Variants in COP1 observed in about 807,000 individuals in gnomAD.
COP1 encodes COP1 E3 ubiquitin ligase, also known as E3 ubiquitin-protein ligase COP1.
Under a neutral mutation model 101.3 loss-of-function variants are expected in COP1, and 24 were observed. The observed-to-expected ratio is 0.24, with a 90% CI of 0.17 to 0.33. The LOEUF (loss-of-function observed/expected upper bound fraction) is 0.33. Ranked by LOEUF, COP1 falls within the 10% of genes least tolerant of loss-of-function variation. The pLI is 1.00. For synonymous variants in COP1, 347 were observed against 341.9 expected (o/e 1.01, Z -0.17); for missense variants, 663 against 906.2 (o/e 0.73, Z 3.45).
chr1:176,038,271 C>A (rs942258920), intron 14 of COP1, among the ~76,000 whole-genome samples: 6 of 152,110 alleles, frequency 3.9e-5, no homozygotes, highest in African/African-American at 1.2e-4. Context: ...GAGAGATAAA[C>A]CATGTTCATG....
chr1:176,131,216 T>G (rs1024202875), intron 8 of COP1, among the ~76,000 whole-genome samples: 1 of 151,834 alleles, frequency 6.6e-6, no homozygotes, highest in Admixed American at 6.6e-5. Context: ...CTGAAAAATT[T>G]TAAGCAGGAA....
At chr1:176,070,491 G>T (rs867371893) in intron 11 of COP1, among the ~76,000 whole-genome samples, 4 of 151,800 alleles carry the variant, frequency 2.6e-5, no homozygotes, top group African/African-American at 9.7e-5. Flanking sequence ...GCGAAACCCC[G>T]TCTCTACTAA....
At chr1:176,187,320 A>G (rs1006214828) in intron 1 of COP1, among the ~76,000 whole-genome samples, 1 of 152,080 alleles carries the variant, frequency 6.6e-6, no homozygotes, top group African/African-American at 2.4e-5. Flanking sequence ...ACATATATAC[A>G]CACACATATA....
At chr1:176,047,339 T>G (rs1275158925) in intron 11 of COP1, among the ~76,000 whole-genome samples, 1 of 152,212 alleles carries the variant, frequency 6.6e-6, no homozygotes, top group African/African-American at 2.4e-5. Context: ...ATATGTATTA[T>G]TATTATCTAC....
At chr1:176,130,369 T>C (rs1688691608) in intron 8 of COP1, among the ~76,000 whole-genome samples, 1 of 151,772 alleles carries the variant, frequency 6.6e-6, no homozygotes, top group East Asian at 1.9e-4. Flanking sequence ...TCTAATTTTC[T>C]CATTATTTCA....
At chr1:176,157,047 A>T (rs1693564291) in intron 5 of COP1, among the ~76,000 whole-genome samples, 1 of 151,892 alleles carries the variant, frequency 6.6e-6, no homozygotes, top group Non-Finnish European at 1.5e-5. Context: ...AAAATATAAA[A>T]ATTAGCCGAG....
At position 176,137,886 on chromosome 1, in the gene COP1, C is replaced by G. The variant is rs1690056683; in HGVS notation, c.832-1339G>C. Among the ~76,000 whole-genome samples, 3 of 152,000 alleles carry G rather than the reference C, an allele frequency of 2.0e-5. No individual in the cohort carries two copies. In the South Asian group the frequency reaches 6.2e-4, roughly 32 times the overall value. On this transcript the variant is annotated intron_variant, in intron 6 of 19. Transcript: ENST00000367669. ...GCACCTTCCTAAGTACTGAGAAGAA[C>G]AGGATCGAAAAACAACTGTAGCCCT...
At chr1:176,086,172 A>C (rs1212948119) in intron 9 of COP1, among the ~76,000 whole-genome samples, 1 of 152,176 alleles carries the variant, frequency 6.6e-6, no homozygotes, top group Non-Finnish European at 1.5e-5. Flanking sequence ...TCTACAAATA[A>C]AATGAAGACA....
intron 11 of COP1, among the ~76,000 whole-genome samples, chr1:176,049,077 C>A (rs1672033073): frequency 6.7e-6 from 1 of 150,030 alleles, no homozygotes; most frequent in African/African-American, 2.5e-5. Context: ...GAGGCTGAGG[C>A]AGGAGAATGG....
At position 176,088,996 on chromosome 1, in the gene COP1, C is replaced by CAAA. The variant is rs71129551; in HGVS notation, c.1027-3109_1027-3107dup. Among the ~76,000 whole-genome samples, 6 of 139,192 alleles carry CAAA rather than the reference C, an allele frequency of 4.3e-5. 1 individual carries two copies. Among genetic ancestry groups the CAAA allele is most frequent in the Admixed American group, 1.4e-4 (2 of 14,152 alleles). 91.3% of individuals were successfully genotyped at this position (139,192 alleles called of 152,430 possible). Reference sequence around the variant, plus strand: ...GGCAACAAGAGCAAAACTCAGTCTCCAAAAAAAAAAAAAAAATCTATTTAG... The same window carrying CAAA: ...GGCAACAAGAGCAAAACTCAGTCTCCAAAAAAAAAAAAAAAAAAATCTATTTAG... On this transcript the variant is annotated intron_variant, in intron 9 of 19. Transcript: ENST00000367669.
chr1:175,947,039 C>T (rs752511027), intron 19 of COP1, among the ~76,000 whole-genome samples, 156 bp downstream of exon 19: 8 of 152,194 alleles, frequency 5.3e-5, no homozygotes, highest in Non-Finnish European at 1.2e-4. Flanking sequence ...ATGCAAGCTA[C>T]CTATTCTTTT....
At chr1:175,982,689 G>A (rs190112817) in intron 18 of COP1, among the ~76,000 whole-genome samples, 16 of 152,188 alleles carry the variant, frequency 1.1e-4, no homozygotes, top group African/African-American at 2.4e-4. Flanking sequence ...TTGCCCCCAC[G>A]TTGTCAAGGT....
chr1:175,969,530 T>C (rs998455066), intron 18 of COP1, among the ~76,000 whole-genome samples: 1 of 152,192 alleles, frequency 6.6e-6, no homozygotes, highest in African/African-American at 2.4e-5. Context: ...CCCCAGTTTA[T>C]TACCATTAGA....
intron 11 of COP1, among the ~76,000 whole-genome samples, chr1:176,067,165 T>C (rs1245291669): frequency 6.6e-6 from 1 of 152,138 alleles, no homozygotes; most frequent in Non-Finnish European, 1.5e-5. Flanking sequence ...CCCCCTCATG[T>C]AGACTTTGGG....
rs1571421856 is a variant in COP1 at position 175,988,150 on chromosome 1, C to T, written c.1972+138G>A. On this transcript the variant is annotated intron_variant, in intron 17 of 19. Transcript: ENST00000367669. Reference sequence around the variant, plus strand: ...TACAACACAAGGAAAATCAGTAGTGCTGGGGCATCATGTCTATTATACTAT... The same window carrying T: ...TACAACACAAGGAAAATCAGTAGTGTTGGGGCATCATGTCTATTATACTAT... 5.5e-6 allele frequency: 4 copies of T among 733,540 alleles called. No homozygotes were observed. The East Asian group carries it at 1.1e-4, about 20-fold the overall frequency. 45.4% of individuals were successfully genotyped at this position (733,540 alleles called of 1,614,324 possible).
At chr1:176,030,552 T>C (rs1359895283) in intron 14 of COP1, among the ~76,000 whole-genome samples, 1 of 152,206 alleles carries the variant, frequency 6.6e-6, no homozygotes, top group Non-Finnish European at 1.5e-5. Flanking sequence ...TGTAATTTCA[T>C]GGTAATTTTC....
intron 15 of COP1, among the ~76,000 whole-genome samples, chr1:175,997,965 G>T (rs932870107): frequency 6.7e-6 from 1 of 149,390 alleles, no homozygotes; most frequent in East Asian, 2.0e-4. Context: ...GTTTATTGCG[G>T]CACTACTTAC....
At chr1:176,136,388 A>C in intron 7 of COP1, 100 bp downstream of exon 7, 1 of 672,284 alleles carries the variant, frequency 1.5e-6, no homozygotes. Context: ...TTTCTTCCTA[A>C]GACCAATCCC....
In COP1 at chr1:175,960,543, C is replaced by G. The variant is rs191462229; in HGVS notation, c.2134-13304G>C. Among the ~76,000 whole-genome samples, 454 of 151,986 alleles carry G rather than the reference C, an allele frequency of 3.0e-3. 1 individual carries two copies. Among genetic ancestry groups the G allele is most frequent in the African/African-American group, 0.01 (427 of 41,442 alleles). ...GCAAAACAGAAGACTATTATGGAGG[C>G]TAAAAGAAGAGTTTAAGAAAGAGAA... On this transcript the variant is annotated intron_variant, in intron 18 of 19. Coordinates refer to ENST00000367669, the MANE Select transcript of COP1 (RefSeq NM_022457.7).
Sources: gnomAD v4.1 joint callset for allele counts (sites outside exome capture counted in the v4.1 genomes callset) on GRCh38, gnomAD v4.1.1 for gene constraint, MANE v1.5 for transcripts, NCBI Gene and HGNC (gene_info 2026-07-23, HGNC 2026-07-21) for gene names.